CDYL: variants seen among roughly 807,000 people sequenced by gnomAD.
CDYL encodes the protein chromodomain Y-like protein.
Under a neutral mutation model 47.3 loss-of-function variants are expected in CDYL, and 8 were observed. That is an observed-to-expected ratio of 0.17 (90% CI 0.10 to 0.31). The LOEUF is 0.31. Ranked by LOEUF, CDYL falls within the 10% of genes least tolerant of loss-of-function variation. The probability of loss-of-function intolerance (pLI) is 1.00; values close to 1 mark genes in which losing one functional copy is unlikely to be tolerated. For synonymous variants in CDYL, 266 were observed against 265.0 expected (o/e 1.00, Z -0.04); for missense variants, 471 against 701.4 (o/e 0.67, Z 3.71).
intron 1 of CDYL, among the ~76,000 whole-genome samples, chr6:4,801,004 C>T (rs896346932): frequency 6.6e-6 from 1 of 152,194 alleles, no homozygotes; most frequent in Non-Finnish European, 1.5e-5. Flanking sequence ...CCTTTCCTCT[C>T]TCTAGAGTCC....
At chr6:4,792,535 A>T (rs1365200268) in intron 1 of CDYL, among the ~76,000 whole-genome samples, 9 of 151,200 alleles carry the variant, frequency 6.0e-5, no homozygotes, top group African/African-American at 2.2e-4. Context: ...TGTTAAAGTG[A>T]TTCTTCTGCC....
intron 3 of CDYL, among the ~76,000 whole-genome samples, chr6:4,744,797 G>A (rs536663913): frequency 1.1e-4 from 16 of 152,148 alleles, no homozygotes; most frequent in African/African-American, 3.9e-4. Context: ...AGAGAGCAAC[G>A]CTAATCTCTT....
intron 1 of CDYL, among the ~76,000 whole-genome samples, chr6:4,848,394 A>G (rs1230964352): frequency 6.6e-6 from 1 of 152,190 alleles, no homozygotes; most frequent in African/African-American, 2.4e-5. Context: ...ATTACCTATT[A>G]TGTCCTTTCC....
chr6:4,877,118 T>G (rs1761641843), intron 1 of CDYL, among the ~76,000 whole-genome samples: 1 of 152,208 alleles, frequency 6.6e-6, no homozygotes. Context: ...AGCAGTAAAT[T>G]TCTATTGTTT....
intron 1 of CDYL, among the ~76,000 whole-genome samples, chr6:4,710,536 T>C (rs1182366746): frequency 6.7e-6 from 1 of 148,342 alleles, no homozygotes; most frequent in Non-Finnish European, 1.5e-5. Context: ...TTTCACCAGT[T>C]TTATCTCTAA....
chr6:4,921,860 TG>T (rs1194847644), intron 2 of CDYL, among the ~76,000 whole-genome samples: 3 of 152,190 alleles, frequency 2.0e-5, no homozygotes, highest in Admixed American at 1.3e-4. Flanking sequence ...GCAAAGCACT[TG>T]AGAGTCAGTT....
intron 2 of CDYL, chr6:4,724,864 A>T (rs1008998645): frequency 6.6e-6 from 1 of 152,198 alleles, no homozygotes; most frequent in African/African-American, 2.4e-5. Flanking sequence ...CAAACCGTGG[A>T]AAAAGACCAC....
chr6:4,736,689 A>T (rs1168991168), intron 3 of CDYL, among the ~76,000 whole-genome samples: 3 of 151,502 alleles, frequency 2.0e-5, no homozygotes, highest in Non-Finnish European at 2.9e-5. Context: ...GCACTTTATT[A>T]GCAACTTAGC....
chr6:4,852,398 CTCCT>C (rs760227851), intron 1 of CDYL, among the ~76,000 whole-genome samples: 15 of 123,522 alleles, frequency 1.2e-4, no homozygotes, highest in South Asian at 5.0e-4. Context: ...TCCTTCCTTC[CTCCT>C]TCCTTCCTTC....
chr6:4,776,062 C>G (rs941789956), upstream of CDYL, among the ~76,000 whole-genome samples: 1 of 150,442 alleles, frequency 6.6e-6, no homozygotes, highest in Non-Finnish European at 1.5e-5. Context: ...TGGGCCGGGC[C>G]GCAAGCGCCC....
At chr6:4,804,064 A>G (rs1289531957) in intron 1 of CDYL, among the ~76,000 whole-genome samples, 2 of 147,230 alleles carry the variant, frequency 1.4e-5, no homozygotes, top group African/African-American at 5.1e-5. Flanking sequence ...TGCTCTCTTT[A>G]GGAAACCAGT....
intron 1 of CDYL, among the ~76,000 whole-genome samples, chr6:4,860,347 C>A (rs553505059): frequency 2.6e-5 from 4 of 151,812 alleles, no homozygotes; most frequent in South Asian, 2.1e-4. Flanking sequence ...CTCACTCCCC[C>A]CTTCTTTCCC....
intron 1 of CDYL, among the ~76,000 whole-genome samples, chr6:4,847,568 C>G (rs141594028): frequency 1.3e-5 from 2 of 152,128 alleles, no homozygotes; most frequent in Non-Finnish European, 2.9e-5. Context: ...AACAGTCTTT[C>G]CATTGTTTCT....
intron 3 of CDYL, among the ~76,000 whole-genome samples, chr6:4,758,351 A>AATAAAT (rs1554134097): frequency 1.3e-4 from 17 of 129,076 alleles, no homozygotes; most frequent in Admixed American, 3.9e-4. Flanking sequence ...AAAATAAATA[A>AATAAAT]ATATATATAT....
intron 3 of CDYL, 78 bp downstream of exon 3, chr6:4,935,849 T>C: frequency 6.3e-7 from 1 of 1,583,716 alleles, no homozygotes; most frequent in Non-Finnish European, 8.6e-7. Context: ...CTGAACTGGC[T>C]CTTCCTGTGC....
chr6:4,715,419 C>T (rs1757235323), intron 1 of CDYL, among the ~76,000 whole-genome samples: 1 of 152,224 alleles, frequency 6.6e-6, no homozygotes, highest in Non-Finnish European at 1.5e-5. Context: ...TGATAAGTAT[C>T]AGGCCACTTG....
At chr6:4,950,300 G>C (rs980029630) in intron 5 of CDYL, among the ~76,000 whole-genome samples, 2 of 152,188 alleles carry the variant, frequency 1.3e-5, no homozygotes, top group African/African-American at 4.8e-5. Context: ...TGGCGGGGTC[G>C]CTTGCCTCCG....
intron 3 of CDYL, among the ~76,000 whole-genome samples, chr6:4,762,228 T>C (rs931946034): frequency 6.6e-6 from 1 of 152,226 alleles, no homozygotes; most frequent in African/African-American, 2.4e-5. Flanking sequence ...CCCTAGAGAC[T>C]ACAGCTTAGC....
chr6:4,909,937 G>C (rs1489925677), intron 2 of CDYL, among the ~76,000 whole-genome samples: 1 of 151,894 alleles, frequency 6.6e-6, no homozygotes, highest in Non-Finnish European at 1.5e-5. Flanking sequence ...TGCTTACTGG[G>C]CTTCCAATAT....
Sources: allele counts gnomAD v4.1 joint callset (sites outside exome capture counted in the v4.1 genomes callset), GRCh38; gene constraint gnomAD v4.1.1; transcripts MANE v1.5; gene names NCBI Gene and HGNC (gene_info 2026-07-23, HGNC 2026-07-21).